The following ZNF385D variants were observed in gnomAD, a reference collection of about 807,000 sequenced individuals.
ZNF385D encodes zinc finger protein 385D.
A neutral mutation model predicts 35.8 loss-of-function variants in ZNF385D; 15 were observed. That is an observed-to-expected ratio of 0.42 (90% CI 0.28 to 0.64). The LOEUF is 0.64. Ranked by LOEUF, ZNF385D falls within the 30% of genes least tolerant of loss-of-function variation. The probability of loss-of-function intolerance (pLI) is 0.23; values close to 1 mark genes in which losing one functional copy is unlikely to be tolerated. For synonymous variants in ZNF385D, 212 were observed against 186.8 expected (o/e 1.13, Z -1.10); for missense variants, 474 against 494.6 (o/e 0.96, Z 0.39).
chr3:21,466,688 C>A (rs1443782345), intron 4 of ZNF385D, among the ~76,000 whole-genome samples: 1 of 152,104 alleles, frequency 6.6e-6, no homozygotes, highest in African/African-American at 2.4e-5. Context: ...ATTCATAAGT[C>A]ACACAAAAAA....
intron 3 of ZNF385D, among the ~76,000 whole-genome samples, chr3:21,532,552 C>G (rs1007340312): frequency 4.6e-5 from 7 of 151,884 alleles, no homozygotes; most frequent in Non-Finnish European, 1.0e-4. Flanking sequence ...ACGTAAATTT[C>G]AAAGCCTTAT....
chr3:21,574,752 T>C (rs1410900133), intron 2 of ZNF385D, among the ~76,000 whole-genome samples: 1 of 152,098 alleles, frequency 6.6e-6, no homozygotes, highest in African/African-American at 2.4e-5. Context: ...TGATGGATTT[T>C]TAGATTTTCA....
Position 22,183,800 on chromosome 3 carries a change from A to G in ZNF385D, c.107-14765T>C, listed in dbSNP as rs185945301. Among the ~76,000 whole-genome samples, 1,066 of 151,974 alleles carry G rather than the reference A, an allele frequency of 7.0e-3. 11 individuals are homozygous for G. Among genetic ancestry groups the G allele is most frequent in the African/African-American group, 0.024 (987 of 41,484 alleles). The stretch of plus-strand genomic sequence containing the variant: ...AACTTGGCAAAATGGAGGTCTTAGA[A>G]CTATTAGTTATTTTTTCACCTTTTC... On this transcript the variant is annotated intron_variant, in intron 2 of 5. Coordinates refer to the ZNF385D transcript ENST00000494108.
At chr3:22,144,605 G>A (rs1035869918) in intron 3 of ZNF385D, among the ~76,000 whole-genome samples, 15 of 129,284 alleles carry the variant, frequency 1.2e-4, no homozygotes, top group South Asian at 2.7e-4. Context: ...AAAAAAGAAC[G>A]CCTTTCAAAC....
intron 1 of ZNF385D, among the ~76,000 whole-genome samples, chr3:21,733,059 T>G (rs1042877516): frequency 6.6e-6 from 1 of 152,222 alleles, no homozygotes; most frequent in African/African-American, 2.4e-5. Context: ...TTTGAATTAC[T>G]TTTTGTGAAG....
At chr3:22,206,263 A>C (rs1697144788) in intron 2 of ZNF385D, among the ~76,000 whole-genome samples, 1 of 152,040 alleles carries the variant, frequency 6.6e-6, no homozygotes, top group Admixed American at 6.6e-5. Flanking sequence ...CCAACACTGG[A>C]ACACCCAGAT....
intron 3 of ZNF385D, among the ~76,000 whole-genome samples, chr3:21,906,997 A>G (rs1411970047): frequency 6.6e-6 from 1 of 152,112 alleles, no homozygotes; most frequent in Non-Finnish European, 1.5e-5. Flanking sequence ...ATGCCTCCAC[A>G]TTATGCTGCA....
intron 3 of ZNF385D, among the ~76,000 whole-genome samples, chr3:21,867,897 T>C (rs1213039467): frequency 1.3e-5 from 2 of 152,244 alleles, no homozygotes; most frequent in East Asian, 1.9e-4. Context: ...CCTCAGAAAC[T>C]GAACTTTATA....
At chr3:21,470,861 C>T (rs558530802) in intron 4 of ZNF385D, among the ~76,000 whole-genome samples, 11 of 152,136 alleles carry the variant, frequency 7.2e-5, no homozygotes, top group African/African-American at 2.2e-4. Flanking sequence ...CCCAGTATAC[C>T]TTTATAAACC....
intron 2 of ZNF385D, among the ~76,000 whole-genome samples, chr3:21,652,519 A>T (rs1056718951): frequency 6.6e-6 from 1 of 152,098 alleles, no homozygotes; most frequent in Non-Finnish European, 1.5e-5. Flanking sequence ...ACATGTGCAC[A>T]ATGTGCAGGT....
At chr3:22,059,686 A>G (rs987956096) in intron 3 of ZNF385D, among the ~76,000 whole-genome samples, 7 of 152,316 alleles carry the variant, frequency 4.6e-5, no homozygotes, top group Non-Finnish European at 7.4e-5. Context: ...AAGACCCCAT[A>G]TAAGTTTCAA....
At chr3:22,165,921 T>A (rs528556776) in intron 3 of ZNF385D, among the ~76,000 whole-genome samples, 1 of 152,308 alleles carries the variant, frequency 6.6e-6, no homozygotes, top group East Asian at 1.9e-4. Flanking sequence ...CTTACATTCA[T>A]ACACCAGATC....
chr3:21,962,381 A>G (rs560117193), intron 3 of ZNF385D, among the ~76,000 whole-genome samples: 72 of 152,296 alleles, frequency 4.7e-4, no homozygotes, highest in African/African-American at 1.7e-3. Flanking sequence ...ATCTCTGCAG[A>G]GAGCATACTT....
At chr3:22,183,825 C>A (rs1199466210) in intron 2 of ZNF385D, among the ~76,000 whole-genome samples, 1 of 150,672 alleles carries the variant, frequency 6.6e-6, no homozygotes, top group Admixed American at 6.6e-5. Context: ...TTCACCTTTT[C>A]TGTAGCTTTA....
intron 3 of ZNF385D, among the ~76,000 whole-genome samples, chr3:21,774,968 C>G (rs2071226561): frequency 6.6e-6 from 1 of 151,772 alleles, no homozygotes; most frequent in South Asian, 2.1e-4. Flanking sequence ...GAGGCAAAGC[C>G]CTGACTTGTA....
intron 3 of ZNF385D, among the ~76,000 whole-genome samples, chr3:22,105,571 A>G (rs1702164237): frequency 6.6e-6 from 1 of 152,140 alleles, no homozygotes; most frequent in Non-Finnish European, 1.5e-5. Flanking sequence ...GAAGACCTGA[A>G]AGCCAGAGAG....
chr3:21,860,514 G>C (rs1448682785), intron 3 of ZNF385D, among the ~76,000 whole-genome samples: 1 of 151,954 alleles, frequency 6.6e-6, no homozygotes, highest in Non-Finnish European at 1.5e-5. Context: ...TCATCAGTGA[G>C]ATAAGTACAG....
chr3:21,584,348 T>C (rs2125713211), intron 2 of ZNF385D, among the ~76,000 whole-genome samples: 1 of 152,334 alleles, frequency 6.6e-6, no homozygotes, highest in East Asian at 1.9e-4. Context: ...AACTCATTGT[T>C]CCAGACTTTG....
chr3:22,224,772 A>G (rs997937703), intron 2 of ZNF385D, among the ~76,000 whole-genome samples: 4 of 152,174 alleles, frequency 2.6e-5, no homozygotes, highest in Non-Finnish European at 5.9e-5. Flanking sequence ...AAGGTTGAAG[A>G]CCTGCCCCTA....
Sources: gnomAD v4.1 joint callset for allele counts (sites outside exome capture counted in the v4.1 genomes callset) on GRCh38, gnomAD v4.1.1 for gene constraint, MANE v1.5 for transcripts, NCBI Gene and HGNC (gene_info 2026-07-23, HGNC 2026-07-21) for gene names.